Variants in TENM3 observed in about 807,000 individuals in gnomAD.
TENM3 encodes teneurin transmembrane protein 3, also known as teneurin-3.
TENM3 carries 63 observed loss-of-function variants against 255.1 expected under a neutral mutation model. The ratio of observed to expected loss-of-function variants is 0.25; its 90% CI spans 0.20 to 0.30. The LOEUF is 0.30. Ranked by LOEUF, TENM3 falls within the 10% of genes least tolerant of loss-of-function variation. The pLI, the probability that TENM3 is intolerant of heterozygous loss-of-function variation, is 1.00. For missense variants in TENM3, 2,929 were observed against 3,461.1 expected (o/e 0.85, Z 3.86); for synonymous variants, 1,306 against 1,322.3 (o/e 0.99, Z 0.27).
chr4:181,471,383 A>AT, the TENM3 span, among the ~76,000 whole-genome samples: 1 of 152,126 alleles, frequency 6.6e-6, no homozygotes, highest in Non-Finnish European at 1.5e-5. Flanking sequence ...TAATTATTTT[A>AT]TTTAAAGCAT....
chr4:181,894,713 C>G, the TENM3 span, among the ~76,000 whole-genome samples: 3 of 148,614 alleles, frequency 2.0e-5, no homozygotes, highest in African/African-American at 7.6e-5. Context: ...GCCAAGTCAA[C>G]GGTCTCCAAG....
At chr4:181,568,923 A>G in the TENM3 span, among the ~76,000 whole-genome samples, 11 of 152,306 alleles carry the variant, frequency 7.2e-5, no homozygotes, top group African/African-American at 2.6e-4. Flanking sequence ...AAGGGTAGGG[A>G]TTATTGTCTG....
the TENM3 span, among the ~76,000 whole-genome samples, chr4:181,780,794 C>A: frequency 6.6e-6 from 1 of 151,966 alleles, no homozygotes; most frequent in African/African-American, 2.4e-5. Context: ...GAATTAATTT[C>A]TGTATAAGGT....
At chr4:181,619,441 A>C in the TENM3 span, among the ~76,000 whole-genome samples, 1 of 152,120 alleles carries the variant, frequency 6.6e-6, no homozygotes, top group African/African-American at 2.4e-5. Flanking sequence ...TTTATTTTAG[A>C]GACAGAGTCT....
At chr4:182,021,173 G>C in the TENM3 span, among the ~76,000 whole-genome samples, 1 of 152,108 alleles carries the variant, frequency 6.6e-6, no homozygotes, top group Non-Finnish European at 1.5e-5. Context: ...TTGGTTTTCT[G>C]TTCCTGCATT....
intron 12 of TENM3, among the ~76,000 whole-genome samples, chr4:182,700,576 G>T (rs1363054242): frequency 6.6e-6 from 1 of 152,046 alleles, no homozygotes; most frequent in Non-Finnish European, 1.5e-5. Flanking sequence ...TTTTTTGAGT[G>T]CCTCTTTAAT....
the TENM3 span, among the ~76,000 whole-genome samples, chr4:181,723,314 G>T: frequency 6.6e-6 from 1 of 150,494 alleles, no homozygotes; most frequent in Non-Finnish European, 1.5e-5. Flanking sequence ...ATCTCCATTC[G>T]TTATCTTCCT....
At chr4:181,969,210 C>G in the TENM3 span, among the ~76,000 whole-genome samples, 2 of 152,278 alleles carry the variant, frequency 1.3e-5, no homozygotes, top group East Asian at 3.9e-4. Context: ...TTGACTAACA[C>G]TGGTGTTCAT....
chr4:182,583,055 T>C (rs1025918825), intron 3 of TENM3, among the ~76,000 whole-genome samples: 4 of 152,146 alleles, frequency 2.6e-5, no homozygotes, highest in South Asian at 2.1e-4. Context: ...ATATTTTTAT[T>C]CTCCTTCGTA....
rs1768981616 is a variant in TENM3 at position 182,398,171 on chromosome 4, C to T, written c.511+51242C>T. ...AAGTGAAACACCAGATTGGATCGCT[C>T]GCGTGGAGGGGACTTGATGCTGGAT... is the stretch of plus-strand genomic sequence containing the variant. On this transcript the variant is annotated intron_variant, in intron 3 of 27. Transcript: ENST00000511685. 1.3e-5 allele frequency among the ~76,000 whole-genome samples: 2 copies of T among 152,136 alleles called. 1 individual carries two copies. The highest frequency in any genetic ancestry group is 4.2e-4 in the South Asian group (2 of 4,816).
the TENM3 span, among the ~76,000 whole-genome samples, chr4:181,633,343 A>T: frequency 6.6e-6 from 1 of 152,222 alleles, no homozygotes; most frequent in Non-Finnish European, 1.5e-5. Flanking sequence ...TTTAGCAGCT[A>T]TTCTAGATCA....
chr4:182,469,606 C>T (rs1213155651), intron 3 of TENM3, among the ~76,000 whole-genome samples: 1 of 151,622 alleles, frequency 6.6e-6, no homozygotes, highest in African/African-American at 2.4e-5. Flanking sequence ...CCCAGGTACT[C>T]AGGAGGCTGA....
chr4:181,653,552 C>G, the TENM3 span, among the ~76,000 whole-genome samples: 2 of 152,044 alleles, frequency 1.3e-5, no homozygotes, highest in East Asian at 1.9e-4. Context: ...AGGCACCCAC[C>G]ACCACACCCG....
chr4:181,872,686 A>AT, the TENM3 span, among the ~76,000 whole-genome samples: 1 of 151,832 alleles, frequency 6.6e-6, no homozygotes, highest in Non-Finnish European at 1.5e-5. Flanking sequence ...TTGTTTTCAG[A>AT]TTTTTTTCTT....
At chr4:181,699,143 CT>C in the TENM3 span, among the ~76,000 whole-genome samples, 2 of 152,036 alleles carry the variant, frequency 1.3e-5, no homozygotes, top group African/African-American at 4.8e-5. Flanking sequence ...TAAGAAAATA[CT>C]ACAAGGCCAG....
At chr4:181,650,466 C>T in the TENM3 span, among the ~76,000 whole-genome samples, 1 of 152,140 alleles carries the variant, frequency 6.6e-6, no homozygotes, top group Non-Finnish European at 1.5e-5. Context: ...CTTAGGAACA[C>T]TCTTCACCCT....
chr4:181,762,899 AT>A, the TENM3 span, among the ~76,000 whole-genome samples: 3 of 139,494 alleles, frequency 2.2e-5, no homozygotes, highest in Non-Finnish European at 3.1e-5. Flanking sequence ...TACAATTTAC[AT>A]ATTACAGACA....
At chr4:182,373,099 T>G (rs1444128693) in intron 3 of TENM3, among the ~76,000 whole-genome samples, 1 of 152,216 alleles carries the variant, frequency 6.6e-6, no homozygotes, top group Non-Finnish European at 1.5e-5. Flanking sequence ...CAATGGTATA[T>G]ACCTGTCACC....
chr4:182,383,524 G>A (rs982826604), intron 3 of TENM3, among the ~76,000 whole-genome samples: 9 of 151,904 alleles, frequency 5.9e-5, no homozygotes, highest in African/African-American at 1.9e-4. Context: ...TTGTTACATG[G>A]GTACATTGCA....
Sources: gnomAD v4.1 joint callset for allele counts (sites outside exome capture counted in the v4.1 genomes callset) on GRCh38, gnomAD v4.1.1 for gene constraint, MANE v1.5 for transcripts, NCBI Gene and HGNC (gene_info 2026-07-23, HGNC 2026-07-21) for gene names.